Variants in UBE2R2 observed in about 807,000 individuals in gnomAD.
The protein encoded by UBE2R2 is ubiquitin conjugating enzyme E2 R2.
UBE2R2 carries 1 observed loss-of-function variant against 27.8 expected under a neutral mutation model. The observed-to-expected ratio is 0.04, with a 90% CI of 0.01 to 0.17. The LOEUF (loss-of-function observed/expected upper bound fraction) is 0.17, where lower values mean the gene tolerates loss of function less well. Ranked by LOEUF, UBE2R2 falls within the 10% of genes least tolerant of loss-of-function variation. The pLI is 1.00. For synonymous variants in UBE2R2, 106 were observed against 113.3 expected (o/e 0.94, Z 0.41); for missense variants, 100 against 291.0 (o/e 0.34, Z 4.78).
At chr9:33,840,097 A>G (rs1375202692) in intron 1 of UBE2R2, among the ~76,000 whole-genome samples, 2 of 152,210 alleles carry the variant, frequency 1.3e-5, no homozygotes, top group African/African-American at 4.8e-5. Context: ...GTTGCTTTTA[A>G]TATTTGTATG....
At chr9:33,867,036 C>T (rs945994726) in intron 1 of UBE2R2, among the ~76,000 whole-genome samples, 1 of 152,042 alleles carries the variant, frequency 6.6e-6, no homozygotes, top group Non-Finnish European at 1.5e-5. Flanking sequence ...CTTTTGTCCC[C>T]TCCAATGTCC....
chr9:33,884,198 A>ATCTCTCTCTCTC (rs777923492), intron 1 of UBE2R2, among the ~76,000 whole-genome samples: 3,553 of 63,432 alleles, frequency 0.056, 426 homozygotes, highest in South Asian at 0.11. Context: ...CAACTTAAGA[A>ATCTCTCTCTCTC]TCTCTCTCTC....
At position 33,897,024 on chromosome 9, in the gene UBE2R2, A is replaced by ATTTTTTTTTTTTTTTTTT. The variant is rs749987839; in HGVS notation, c.265-3137_265-3120dup. On this transcript the variant is annotated intron_variant, in intron 2 of 4. Transcript: ENST00000263228. Reference sequence around the variant, plus strand: ...CCAAGTAGCATACTTCTGTGGCCTAATTTTTTTTTTTTTTTTTTTTTTTTT... The same window carrying ATTTTTTTTTTTTTTTTTT: ...CCAAGTAGCATACTTCTGTGGCCTAATTTTTTTTTTTTTTTTTTTTTTTTTTTTTTTTTTTTTTTTTTT... Among the ~76,000 whole-genome samples, 2 of 40,596 alleles carry ATTTTTTTTTTTTTTTTTT rather than the reference A, an allele frequency of 4.9e-5. 1 individual carries two copies. 26.6% of individuals were successfully genotyped at this position (40,596 alleles called of 152,430 possible). A position where few individuals can be genotyped will look rare whatever the true frequency, so the allele number is the denominator to read the frequency against.
intron 1 of UBE2R2, among the ~76,000 whole-genome samples, chr9:33,869,892 G>C (rs1248975958): frequency 6.6e-6 from 1 of 151,890 alleles, no homozygotes; most frequent in African/African-American, 2.4e-5. Context: ...TGTTGCCCAG[G>C]CTGGAGTGCA....
Position 33,917,416 on chromosome 9 carries a change from GGA to G in UBE2R2, c.*187_*188del, listed in dbSNP as rs1041100358. 6 of 821,762 alleles carry G rather than the reference GGA, an allele frequency of 7.3e-6. No homozygotes were observed. Among genetic ancestry groups the G allele is most frequent in the African/African-American group, 5.2e-5 (3 of 58,064 alleles). 50.9% of individuals were successfully genotyped at this position (821,762 alleles called of 1,614,324 possible). A position where few individuals can be genotyped will look rare whatever the true frequency, so the allele number is the denominator to read the frequency against. On this transcript the variant is annotated 3_prime_UTR_variant, in exon 5 of 5. Transcript: ENST00000263228. ...TTGCTCCTTTTTATGGACCTTTAATGGAGAGAGAGTAACCCTCCACAGAATGT... is the reference window on the plus strand; with the variant it reads ...TTGCTCCTTTTTATGGACCTTTAATGGAGAGAGTAACCCTCCACAGAATGT...
chr9:33,906,757 C>T (rs1316329036), intron 3 of UBE2R2, among the ~76,000 whole-genome samples: 2 of 152,118 alleles, frequency 1.3e-5, no homozygotes, highest in Non-Finnish European at 2.9e-5. Context: ...CTTCTTTAGG[C>T]CAGGCGCAGT....
At chr9:33,865,981 A>C (rs1413981489) in intron 1 of UBE2R2, among the ~76,000 whole-genome samples, 1 of 151,318 alleles carries the variant, frequency 6.6e-6, no homozygotes, top group Admixed American at 6.6e-5. Flanking sequence ...ACGGGTGCCC[A>C]CCACCACACT....
intron 1 of UBE2R2, among the ~76,000 whole-genome samples, chr9:33,823,420 G>A (rs778782297): frequency 1.3e-5 from 2 of 151,986 alleles, no homozygotes; most frequent in Non-Finnish European, 2.9e-5. Context: ...CTGTTGCGCA[G>A]GCTGAAGTGC....
chr9:33,885,159 A>C (rs1168799721), intron 1 of UBE2R2, among the ~76,000 whole-genome samples: 1 of 152,230 alleles, frequency 6.6e-6, no homozygotes, highest in Non-Finnish European at 1.5e-5. Context: ...TGTTGTATAC[A>C]TTCTCAAGTT....
At position 33,920,107 on chromosome 9, in the gene UBE2R2, C is replaced by G. The variant is rs565938077; in HGVS notation, c.*2870C>G. 1 of 152,706 alleles carries G rather than the reference C, an allele frequency of 6.5e-6. No individual in the cohort carries two copies. The highest frequency in any genetic ancestry group is 2.1e-4 in the South Asian group (1 of 4,808). 9.5% of individuals were successfully genotyped at this position (152,706 alleles called of 1,614,324 possible). Reference sequence around the variant, plus strand: ...TGATTGGAAGGGGAAATGTGCAGCTCTCCACTGGAAAGGAACTCTCCACCC... The same window carrying G: ...TGATTGGAAGGGGAAATGTGCAGCTGTCCACTGGAAAGGAACTCTCCACCC... On this transcript the variant is annotated 3_prime_UTR_variant, in exon 5 of 5. Transcript: ENST00000263228.
In UBE2R2 at chr9:33,918,295, T is replaced by TAAG. The variant is rs1252866199; in HGVS notation, c.*1060_*1062dup. 6.6e-6 allele frequency: 1 copy of TAAG among 152,110 alleles called. No individual in the cohort carries two copies. The highest frequency in any genetic ancestry group is 1.5e-5 in the Non-Finnish European group (1 of 68,028). The allele number at this position is 152,110 out of a possible 1,614,324, so 9.4% of individuals were successfully genotyped here. A position where few individuals can be genotyped will look rare whatever the true frequency, so the allele number is the denominator to read the frequency against. ...CAGTATTAATCCTAGGTGCATGTGT[T>TAAG]AAGATTTCGGTTTTCATCGAGCTGC... On this transcript the variant is annotated 3_prime_UTR_variant, in exon 5 of 5. Transcript: ENST00000263228.
chr9:33,816,897 C>A (rs1825777947), upstream of UBE2R2, among the ~76,000 whole-genome samples: 1 of 152,236 alleles, frequency 6.6e-6, no homozygotes, highest in Non-Finnish European at 1.5e-5. Context: ...GCAATCCCTG[C>A]GCCCGCCCTT....
chr9:33,832,701 C>T (rs1222979967), intron 1 of UBE2R2, among the ~76,000 whole-genome samples: 1 of 150,984 alleles, frequency 6.6e-6, no homozygotes, highest in Non-Finnish European at 1.5e-5. Context: ...ATTTAATACT[C>T]TTTGGTTGAA....
At chr9:33,903,796 C>T (rs1822295898) in intron 3 of UBE2R2, among the ~76,000 whole-genome samples, 1 of 152,134 alleles carries the variant, frequency 6.6e-6, no homozygotes, top group African/African-American at 2.4e-5. Context: ...GGACATTCCC[C>T]ATACTCAAAT....
chr9:33,834,146 A>G (rs922873573), intron 1 of UBE2R2, among the ~76,000 whole-genome samples: 28 of 150,294 alleles, frequency 1.9e-4, no homozygotes, highest in African/African-American at 6.1e-4. Context: ...GACAATTCCT[A>G]CCAGCTCAGT....
At chr9:33,861,966 G>A (rs576745494) in intron 1 of UBE2R2, among the ~76,000 whole-genome samples, 2 of 149,630 alleles carry the variant, frequency 1.3e-5, no homozygotes, top group South Asian at 4.2e-4. Flanking sequence ...TGATTCTCCT[G>A]CCTCAGCCTC....
chr9:33,905,708 G>T (rs1056974420), intron 3 of UBE2R2, among the ~76,000 whole-genome samples: 2 of 152,124 alleles, frequency 1.3e-5, no homozygotes, highest in Non-Finnish European at 2.9e-5. Context: ...ATCATAACAG[G>T]CTTCTTTATT....
At chr9:33,834,111 C>G (rs2252228) in intron 1 of UBE2R2, among the ~76,000 whole-genome samples, 4 of 151,526 alleles carry the variant, frequency 2.6e-5, no homozygotes, top group African/African-American at 9.7e-5. Flanking sequence ...TTGGTAGACT[C>G]TAGAGTCCCA....
At chr9:33,819,875 G>T (rs979717253) in intron 1 of UBE2R2, among the ~76,000 whole-genome samples, 1 of 152,184 alleles carries the variant, frequency 6.6e-6, no homozygotes, top group East Asian at 1.9e-4. Context: ...CAGACCCTGT[G>T]ATCAACCCGC....
Sources: allele counts gnomAD v4.1 joint callset (sites outside exome capture counted in the v4.1 genomes callset), GRCh38; gene constraint gnomAD v4.1.1; transcripts MANE v1.5; gene names NCBI Gene and HGNC (gene_info 2026-07-23, HGNC 2026-07-21).